CLVS1: variants seen among roughly 807,000 people sequenced by gnomAD.
CLVS1 encodes the protein clavesin 1, also known as clavesin-1.
CLVS1 carries 10 observed loss-of-function variants against 33.1 expected under a neutral mutation model. The observed-to-expected ratio is 0.30, with a 90% CI of 0.19 to 0.51. The LOEUF is 0.51. CLVS1 is among the 20% of genes least tolerant of loss of function. CLVS1 has a pLI of 0.97. For missense variants in CLVS1, 343 were observed against 433.4 expected, an observed-to-expected ratio of 0.79 and a Z score of 1.85; for synonymous variants, 163 against 166.1, an observed-to-expected ratio of 0.98 and a Z score of 0.14.
At chr8:61,066,208 G>A (rs1804675368) in intron 1 of CLVS1, among the ~76,000 whole-genome samples, 1 of 152,172 alleles carries the variant, frequency 6.6e-6, no homozygotes, top group South Asian at 2.1e-4. Flanking sequence ...TTTAAAAAGT[G>A]TTAGTGGCCA....
intron 2 of CLVS1, among the ~76,000 whole-genome samples, chr8:61,214,069 A>G (rs1808033152): frequency 6.6e-6 from 1 of 152,294 alleles, no homozygotes; most frequent in East Asian, 1.9e-4. Flanking sequence ...CTTGTTAGGA[A>G]GAGGAAATTC....
intron 2 of CLVS1, among the ~76,000 whole-genome samples, chr8:61,242,779 C>T (rs1302153879): frequency 3.3e-5 from 5 of 150,376 alleles, no homozygotes; most frequent in African/African-American, 1.0e-4. Flanking sequence ...GGCAGCAGAG[C>T]AGGACCCTGC....
intron 2 of CLVS1, among the ~76,000 whole-genome samples, chr8:61,218,673 G>A (rs1215685157): frequency 5.3e-5 from 8 of 150,714 alleles, no homozygotes; most frequent in African/African-American, 7.3e-5. Context: ...GGTGGATGAC[G>A]CCTGTAGTCT....
At chr8:61,423,592 A>G (rs1253482110) in intron 3 of CLVS1, among the ~76,000 whole-genome samples, 1 of 152,214 alleles carries the variant, frequency 6.6e-6, no homozygotes, top group African/African-American at 2.4e-5. Context: ...AATGCCTGGT[A>G]ATGAAGAGCG....
At chr8:61,106,764 G>T (rs907559528) in intron 1 of CLVS1, among the ~76,000 whole-genome samples, 4 of 152,170 alleles carry the variant, frequency 2.6e-5, no homozygotes, top group Non-Finnish European at 4.4e-5. Context: ...TAAACTCCCA[G>T]GTACTGTGAA....
intron 2 of CLVS1, among the ~76,000 whole-genome samples, chr8:61,330,422 G>A (rs528352586): frequency 6.6e-5 from 10 of 152,300 alleles, no homozygotes; most frequent in Non-Finnish European, 1.2e-4. Context: ...AATGGGGGAC[G>A]TTAGAAAATA....
At chr8:61,316,405 C>T (rs868034403) in intron 2 of CLVS1, among the ~76,000 whole-genome samples, 4 of 152,082 alleles carry the variant, frequency 2.6e-5, no homozygotes, top group Non-Finnish European at 4.4e-5. Context: ...CTTCACAACC[C>T]GAAGAAGTTT....
chr8:61,172,175 G>C (rs1018993636), intron 2 of CLVS1, among the ~76,000 whole-genome samples: 4 of 152,086 alleles, frequency 2.6e-5, no homozygotes, highest in African/African-American at 9.7e-5. Context: ...TGCATCTTTT[G>C]TCTATGTTAC....
the CLVS1 span, among the ~76,000 whole-genome samples, chr8:60,974,836 T>G: frequency 2.0e-5 from 3 of 152,098 alleles, no homozygotes; most frequent in Non-Finnish European, 4.4e-5. Context: ...GAGTGAATAT[T>G]TTATTTGTTA....
chr8:61,199,192 C>T (rs2129304527), intron 2 of CLVS1, among the ~76,000 whole-genome samples: 1 of 152,212 alleles, frequency 6.6e-6, no homozygotes, highest in South Asian at 2.1e-4. Flanking sequence ...CAGACATTGG[C>T]CTGGGCAAAG....
At chr8:61,463,838 A>T (rs1817453929) in intron 5 of CLVS1, among the ~76,000 whole-genome samples, 1 of 152,076 alleles carries the variant, frequency 6.6e-6, no homozygotes, top group African/African-American at 2.4e-5. Context: ...AGACCGAGGC[A>T]GGAGAATTGT....
chr8:61,375,837 C>A (rs1169203651), intron 2 of CLVS1, among the ~76,000 whole-genome samples: 1 of 152,180 alleles, frequency 6.6e-6, no homozygotes, highest in Non-Finnish European at 1.5e-5. Flanking sequence ...TTTGCCATCA[C>A]TTCTTCATGT....
At chr8:61,428,088 A>G (rs764397214) in intron 3 of CLVS1, among the ~76,000 whole-genome samples, 24 of 152,264 alleles carry the variant, frequency 1.6e-4, no homozygotes, top group Non-Finnish European at 2.2e-4. Flanking sequence ...AAGCTCTATG[A>G]CAAAGGGATG....
intron 1 of CLVS1, among the ~76,000 whole-genome samples, chr8:61,122,063 T>C (rs1402932722): frequency 2.0e-5 from 3 of 152,222 alleles, no homozygotes; most frequent in Non-Finnish European, 4.4e-5. Flanking sequence ...TTCTTCTGGA[T>C]TTAACTATAA....
intron 1 of CLVS1, among the ~76,000 whole-genome samples, chr8:61,118,562 G>C (rs1351583880): frequency 1.3e-5 from 2 of 151,216 alleles, no homozygotes; most frequent in Non-Finnish European, 2.9e-5. Flanking sequence ...AGAGATTCTG[G>C]TATGTTGTGT....
At chr8:61,242,792 C>CAAA (rs569975134) in intron 2 of CLVS1, among the ~76,000 whole-genome samples, 5 of 142,916 alleles carry the variant, frequency 3.5e-5, no homozygotes, top group African/African-American at 1.3e-4. Flanking sequence ...GACCCTGCCT[C>CAAA]AAAAAAAAAA....
chr8:61,068,347 A>T (rs1034556202), intron 1 of CLVS1, among the ~76,000 whole-genome samples: 1 of 151,252 alleles, frequency 6.6e-6, no homozygotes, highest in Non-Finnish European at 1.5e-5. Flanking sequence ...TATGGCTAAG[A>T]CTCCAGGGCG....
At chr8:61,462,411 G>A (rs1322958554) in intron 5 of CLVS1, among the ~76,000 whole-genome samples, 1 of 152,144 alleles carries the variant, frequency 6.6e-6, no homozygotes, top group Non-Finnish European at 1.5e-5. Flanking sequence ...TGAGACTGGA[G>A]TCTTGCTCTG....
At chr8:61,397,481 T>C (rs1405898487) in intron 3 of CLVS1, among the ~76,000 whole-genome samples, 1 of 152,218 alleles carries the variant, frequency 6.6e-6, no homozygotes, top group Non-Finnish European at 1.5e-5. Context: ...GTTGTCTTTT[T>C]ACTTTATTAA....
Sources: allele counts gnomAD v4.1 joint callset (sites outside exome capture counted in the v4.1 genomes callset), GRCh38; gene constraint gnomAD v4.1.1; transcripts MANE v1.5; gene names NCBI Gene and HGNC (gene_info 2026-07-23, HGNC 2026-07-21).